The following UBE2E2 variants were observed in gnomAD, a reference collection of about 807,000 sequenced individuals.
The protein encoded by UBE2E2 is ubiquitin conjugating enzyme E2 E2.
Under a neutral mutation model 24.7 loss-of-function variants are expected in UBE2E2, and 6 were observed. The ratio of observed to expected loss-of-function variants is 0.24; its 90% CI spans 0.13 to 0.48. UBE2E2 has a LOEUF of 0.48. UBE2E2 is among the 20% of genes least tolerant of loss of function. UBE2E2 has a pLI of 0.99. For synonymous variants in UBE2E2, 104 were observed against 83.6 expected, an observed-to-expected ratio of 1.24 and a Z score of -1.33; for missense variants, 169 against 245.0, an observed-to-expected ratio of 0.69 and a Z score of 2.07.
At chr3:23,489,359 G>A (rs778511) in intron 3 of UBE2E2, among the ~76,000 whole-genome samples, 27,142 of 151,980 alleles carry the variant, frequency 0.18, 2,492 homozygotes, top group Middle Eastern at 0.23. Context: ...GACAGTGTCA[G>A]GTCATTAGGT....
At chr3:23,441,561 G>A (rs951923356) in intron 3 of UBE2E2, among the ~76,000 whole-genome samples, 2 of 117,636 alleles carry the variant, frequency 1.7e-5, no homozygotes, top group Admixed American at 8.0e-5. Context: ...AAAAGAATTG[G>A]GTAAGGAAAC....
chr3:23,576,261 A>G (rs1355329546), intron 5 of UBE2E2, among the ~76,000 whole-genome samples: 2 of 152,166 alleles, frequency 1.3e-5, no homozygotes, highest in African/African-American at 4.8e-5. Flanking sequence ...TCTCATTTTA[A>G]GACAACTCAC....
chr3:23,328,685 C>T (rs1370838902), intron 3 of UBE2E2, among the ~76,000 whole-genome samples: 1 of 143,506 alleles, frequency 7.0e-6, no homozygotes, highest in Non-Finnish European at 1.5e-5. Flanking sequence ...TGTTTTGAGA[C>T]GGAGTCTCGC....
At chr3:23,337,410 G>C (rs1039128629) in intron 3 of UBE2E2, among the ~76,000 whole-genome samples, 1 of 152,164 alleles carries the variant, frequency 6.6e-6, no homozygotes, top group Non-Finnish European at 1.5e-5. Flanking sequence ...GCACTGGGAT[G>C]TAACAGTGTG....
chr3:23,484,559 G>A (rs1319075761), intron 3 of UBE2E2, among the ~76,000 whole-genome samples: 1 of 152,158 alleles, frequency 6.6e-6, no homozygotes, highest in South Asian at 2.1e-4. Context: ...AATCAAGAAT[G>A]TTCTTTATCT....
At chr3:23,480,653 G>A (rs536472693) in intron 3 of UBE2E2, among the ~76,000 whole-genome samples, 30 of 151,312 alleles carry the variant, frequency 2.0e-4, no homozygotes, top group Admixed American at 4.6e-4. Flanking sequence ...AAAAGAAGAG[G>A]ATTCAGAGAT....
chr3:23,529,077 A>G (rs1695064105), intron 4 of UBE2E2, among the ~76,000 whole-genome samples: 1 of 152,238 alleles, frequency 6.6e-6, no homozygotes, highest in East Asian at 1.9e-4. Flanking sequence ...TTCCATTTAT[A>G]TAGCGTTCTT....
chr3:23,552,412 C>T (rs1695666926), intron 5 of UBE2E2, among the ~76,000 whole-genome samples: 1 of 152,112 alleles, frequency 6.6e-6, no homozygotes. Context: ...GTACCAATTC[C>T]CAGGGGACTG....
chr3:23,418,255 A>G (rs763724858), intron 3 of UBE2E2, among the ~76,000 whole-genome samples: 21 of 152,216 alleles, frequency 1.4e-4, no homozygotes, highest in Non-Finnish European at 2.9e-4. Context: ...TATCAGGGCC[A>G]GAGTGCACCG....
chr3:23,281,188 A>G (rs1495133), intron 3 of UBE2E2, among the ~76,000 whole-genome samples: 111,972 of 151,778 alleles, frequency 0.74, 41,563 homozygotes, highest in African/African-American at 0.83. Context: ...TATTCAGTCA[A>G]TAGCAGAGGT....
At chr3:23,262,202 G>A (rs1267046476) in intron 3 of UBE2E2, among the ~76,000 whole-genome samples, 1 of 152,138 alleles carries the variant, frequency 6.6e-6, no homozygotes, top group Non-Finnish European at 1.5e-5. Flanking sequence ...CCTGATGATA[G>A]TAATGTTGAA....
At chr3:23,233,193 T>C (rs930627957) in intron 3 of UBE2E2, among the ~76,000 whole-genome samples, 1 of 152,158 alleles carries the variant, frequency 6.6e-6, no homozygotes, top group African/African-American at 2.4e-5. Context: ...AGTAGGACTG[T>C]AAGAGTTTGA....
intron 3 of UBE2E2, among the ~76,000 whole-genome samples, chr3:23,226,672 GTA>G (rs1476623632): frequency 6.6e-6 from 1 of 152,138 alleles, no homozygotes; most frequent in African/African-American, 2.4e-5. Context: ...GGAGAATTTA[GTA>G]TAGTTATTCT....
intron 3 of UBE2E2, among the ~76,000 whole-genome samples, chr3:23,291,632 A>C (rs1320437617): frequency 2.0e-5 from 3 of 151,702 alleles, no homozygotes; most frequent in Non-Finnish European, 4.4e-5. Flanking sequence ...TGAGAAAAAT[A>C]AAACAATGTA....
chr3:23,508,278 A>G (rs1003478077), intron 4 of UBE2E2, among the ~76,000 whole-genome samples: 4 of 152,198 alleles, frequency 2.6e-5, no homozygotes, highest in Non-Finnish European at 5.9e-5. Flanking sequence ...ACCACCTACA[A>G]TTACCACCAG....
At chr3:23,359,038 A>G (rs559550329) in intron 3 of UBE2E2, among the ~76,000 whole-genome samples, 1 of 152,318 alleles carries the variant, frequency 6.6e-6, no homozygotes, top group South Asian at 2.1e-4. Context: ...AGACAAGGGG[A>G]TGATCATGAA....
chr3:23,395,764 A>G (rs1279185491), intron 3 of UBE2E2, among the ~76,000 whole-genome samples: 2 of 152,200 alleles, frequency 1.3e-5, no homozygotes, highest in Non-Finnish European at 2.9e-5. Context: ...GAATCGGGGT[A>G]TAAGTGCTCT....
intron 3 of UBE2E2, among the ~76,000 whole-genome samples, chr3:23,375,703 T>A (rs924806619): frequency 9.9e-5 from 15 of 152,222 alleles, no homozygotes; most frequent in Non-Finnish European, 1.6e-4. Flanking sequence ...TCTGCATGTT[T>A]CTATATAAAG....
At chr3:23,354,108 A>T (rs1473070828) in intron 3 of UBE2E2, among the ~76,000 whole-genome samples, 5 of 152,182 alleles carry the variant, frequency 3.3e-5, no homozygotes, top group Admixed American at 1.3e-4. Context: ...CTGATCTTTG[A>T]CAAACCTGAG....
Sources: allele counts gnomAD v4.1 joint callset (sites outside exome capture counted in the v4.1 genomes callset), GRCh38; gene constraint gnomAD v4.1.1; transcripts MANE v1.5; gene names NCBI Gene and HGNC (gene_info 2026-07-23, HGNC 2026-07-21).